Variants in TLN2 observed in about 807,000 individuals in gnomAD.
TLN2 encodes talin-2.
TLN2 carries 118 observed loss-of-function variants against 294.7 expected under a neutral mutation model. The ratio of observed to expected loss-of-function variants is 0.40; its 90% CI spans 0.34 to 0.47. TLN2 has a LOEUF of 0.47. Ranked by LOEUF, TLN2 falls within the 20% of genes least tolerant of loss-of-function variation. The pLI is 0.84. For missense variants in TLN2, 3,083 were observed against 3,282.2 expected, an observed-to-expected ratio of 0.94 and a Z score of 1.48; for synonymous variants, 1,431 against 1,304.5, an observed-to-expected ratio of 1.10 and a Z score of -2.09.
intron 23 of TLN2, 145 bp from the exon 24 acceptor site, chr15:62,717,431 C>T (rs2059850200): frequency 2.3e-6 from 1 of 439,204 alleles, no homozygotes; most frequent in Non-Finnish European, 4.0e-6. Context: ...AGATTAGGGT[C>T]ATCACTGGTT....
intron 1 of TLN2, among the ~76,000 whole-genome samples, chr15:62,480,118 G>A (rs2037997054): frequency 6.6e-6 from 1 of 152,198 alleles, no homozygotes; most frequent in Non-Finnish European, 1.5e-5. Flanking sequence ...AGTTATTTGA[G>A]TAAAAGGGGA....
At position 62,797,359 on chromosome 15, in the gene TLN2, A is replaced by G. The variant is rs1720263204; in HGVS notation, c.6191A>G (p.Lys2064Arg). 4.3e-6 allele frequency: 7 copies of G among 1,612,590 alleles called. No individual in the cohort carries two copies. Among genetic ancestry groups the G allele is most frequent in the Non-Finnish European group, 5.9e-6 (7 of 1,179,726 alleles). The part of the protein sequence containing the change: ...ATITQLAEVV[K>R]LGAASLGSDD... ...ATCACCCAGCTCGCAGAAGTGGTCAAGCTGGGGGCAGCCAGCCTGGGCTCC... is the reference window on the plus strand; with the variant it reads ...ATCACCCAGCTCGCAGAAGTGGTCAGGCTGGGGGCAGCCAGCCTGGGCTCC... The change falls in exon 48 of 59, where the codon AAG becomes AGG. Residue 2064 changes from lysine (K) to arginine (R), a missense_variant. Coordinates refer to ENST00000636159, the MANE Select transcript of TLN2 (RefSeq NM_015059.3).
chr15:62,524,429 C>T (rs944549436), intron 1 of TLN2, among the ~76,000 whole-genome samples: 1 of 152,068 alleles, frequency 6.6e-6, no homozygotes, highest in Non-Finnish European at 1.5e-5. Context: ...CCTGCCTCAT[C>T]GGGGTGCTGA....
At chr15:62,720,814 G>T (rs1028027712) in intron 25 of TLN2, among the ~76,000 whole-genome samples, 3 of 151,792 alleles carry the variant, frequency 2.0e-5, no homozygotes. Flanking sequence ...TCTCATTATT[G>T]GACGTACAGG....
At chr15:62,704,317 T>G (rs1215189310) in intron 19 of TLN2, among the ~76,000 whole-genome samples, 1 of 152,232 alleles carries the variant, frequency 6.6e-6, no homozygotes, top group East Asian at 1.9e-4. Flanking sequence ...TTCATCTGTT[T>G]TGACCACCTC....
Position 62,423,089 on chromosome 15 carries a change from G to A in TLN2, c.-238+32404G>A, listed in dbSNP as rs146576017. On this transcript the variant is annotated intron_variant, in intron 1 of 58. Transcript: ENST00000636159. ...AGGATCACATTAGCTCTAGGATCACGTTAGCTCTTAAAAAGTCATTGGGAC... is the reference window on the plus strand; with the variant it reads ...AGGATCACATTAGCTCTAGGATCACATTAGCTCTTAAAAAGTCATTGGGAC... Among the ~76,000 whole-genome samples, 433 of 152,276 alleles carry A rather than the reference G, an allele frequency of 2.8e-3. 2 individuals are homozygous for A. The highest frequency in any genetic ancestry group is 9.9e-3 in the African/African-American group (411 of 41,556).
chr15:62,625,472 A>C (rs2049200231), intron 3 of TLN2, among the ~76,000 whole-genome samples: 1 of 152,208 alleles, frequency 6.6e-6, no homozygotes, highest in African/African-American at 2.4e-5. Context: ...GGCTGTGGTT[A>C]CAGCAAGAAA....
intron 1 of TLN2, among the ~76,000 whole-genome samples, chr15:62,508,881 A>G (rs898077390): frequency 5.9e-5 from 9 of 152,298 alleles, no homozygotes; most frequent in East Asian, 3.9e-4. Context: ...ATAATAATCA[A>G]TTACTCCTAA....
Position 62,762,129 on chromosome 15 carries a change from T to C in TLN2, c.4780-143T>C. On this transcript the variant is annotated intron_variant, in intron 38 of 58. Coordinates refer to ENST00000636159, the MANE Select transcript of TLN2 (RefSeq NM_015059.3). ...TCCCCGCCATGCAGACCCCTGGTAA[T>C]CCAGTCTTCATGGTTCCCTGCCCTC... The C allele has an allele frequency of 3.9e-6, 4 of 1,019,078 alleles. No individual in the cohort carries two copies. In the South Asian group the frequency reaches 6.1e-5, roughly 16 times the overall value. 63.1% of individuals were successfully genotyped at this position (1,019,078 alleles called of 1,614,324 possible). A position where few individuals can be genotyped will look rare whatever the true frequency, so the allele number is the denominator to read the frequency against.
intron 1 of TLN2, among the ~76,000 whole-genome samples, chr15:62,432,542 G>A (rs781529213): frequency 2.0e-5 from 3 of 152,164 alleles, no homozygotes; most frequent in East Asian, 1.9e-4. Context: ...ATTTTGGATC[G>A]TACACAGGGT....
chr15:62,775,847 A>G (rs1460979757), intron 42 of TLN2, among the ~76,000 whole-genome samples: 7 of 152,220 alleles, frequency 4.6e-5, no homozygotes, highest in Non-Finnish European at 1.0e-4. Context: ...CATCAGGTCA[A>G]ATTTTGCAGA....
chr15:62,395,239 G>A (rs1353473392), intron 1 of TLN2, among the ~76,000 whole-genome samples: 1 of 142,708 alleles, frequency 7.0e-6, no homozygotes, highest in East Asian at 2.1e-4. Context: ...GGGGTAGAGG[G>A]TGGGGAGATG....
intron 1 of TLN2, among the ~76,000 whole-genome samples, chr15:62,513,973 G>A (rs926366363): frequency 2.0e-5 from 3 of 152,108 alleles, no homozygotes; most frequent in Non-Finnish European, 4.4e-5. Flanking sequence ...TAACCCCTCC[G>A]CCCTCTACTA....
intron 1 of TLN2, among the ~76,000 whole-genome samples, chr15:62,588,665 CATATAT>C (rs3055752): frequency 0.072 from 5,110 of 71,284 alleles, 162 homozygotes; most frequent in Admixed American, 0.097. Context: ...ACATTTTTTT[CATATAT>C]ATATATATAT....
intron 1 of TLN2, chr15:62,453,644 G>A (rs2036285025): frequency 6.6e-6 from 1 of 152,188 alleles, no homozygotes; most frequent in Admixed American, 6.5e-5. Flanking sequence ...GTTTAATGCA[G>A]TCAGCTGTCC....
At chr15:62,687,782 G>T (rs936979071) in intron 12 of TLN2, 1 of 152,244 alleles carries the variant, frequency 6.6e-6, no homozygotes, top group South Asian at 2.1e-4. Flanking sequence ...AGATTGATAG[G>T]TTCCTGCCAA....
At chr15:62,805,816 A>T in intron 51 of TLN2, 31 bp downstream of exon 51, 1 of 1,599,856 alleles carries the variant, frequency 6.3e-7, no homozygotes, top group Non-Finnish European at 8.5e-7. Flanking sequence ...TTGGATGGAC[A>T]GATGATTCTC....
At chr15:62,631,578 TTC>T (rs1404476586) in intron 3 of TLN2, among the ~76,000 whole-genome samples, 9 of 147,582 alleles carry the variant, frequency 6.1e-5, no homozygotes, top group African/African-American at 1.8e-4. Flanking sequence ...TTTCCTTTCT[TTC>T]TCTCTCTTCT....
intron 1 of TLN2, among the ~76,000 whole-genome samples, chr15:62,445,253 C>T (rs1068705): frequency 0.51 from 78,153 of 152,006 alleles, 20,494 homozygotes; most frequent in Middle Eastern, 0.63. Flanking sequence ...TCACCTGTGG[C>T]TTTACAGTGA....
Sources: allele counts gnomAD v4.1 joint callset (sites outside exome capture counted in the v4.1 genomes callset), GRCh38; gene constraint gnomAD v4.1.1; transcripts MANE v1.5; gene names NCBI Gene and HGNC (gene_info 2026-07-23, HGNC 2026-07-21).